BLTP1: variants seen among roughly 807,000 people sequenced by gnomAD.
BLTP1 encodes the protein bridge-like lipid transfer protein family member 1.
At chr4:122,334,395 G>A in the BLTP1 span, 2 of 1,612,042 alleles carry the variant, frequency 1.2e-6, no homozygotes, top group African/African-American at 1.3e-5. Flanking sequence ...TGCCTCCAGG[G>A]GATCTTCCTT....
chr4:122,327,299 T>A, the BLTP1 span, among the ~76,000 whole-genome samples: 1 of 151,728 alleles, frequency 6.6e-6, no homozygotes, highest in Non-Finnish European at 1.5e-5. Flanking sequence ...GGTGCAATAT[T>A]TGCACATAAC....
the BLTP1 span, chr4:122,256,122 C>G: frequency 5.1e-6 from 5 of 984,144 alleles, no homozygotes; most frequent in African/African-American, 8.7e-5. Context: ...CTCCAAGTTG[C>G]TGGCCAATAG....
the BLTP1 span, chr4:122,193,561 CTT>C: frequency 1.9e-6 from 1 of 519,588 alleles, no homozygotes; most frequent in Non-Finnish European, 2.5e-6. Flanking sequence ...TTTTCTACTT[CTT>C]GAAGAATTTT....
At chr4:122,297,013 A>G in the BLTP1 span, among the ~76,000 whole-genome samples, 16 of 152,228 alleles carry the variant, frequency 1.1e-4, no homozygotes, top group Admixed American at 1.3e-4. Flanking sequence ...GGCACCAGCA[A>G]AGATTTCATG....
chr4:122,171,225 GT>G, the BLTP1 span, among the ~76,000 whole-genome samples: 4 of 152,020 alleles, frequency 2.6e-5, no homozygotes, highest in African/African-American at 9.7e-5. Flanking sequence ...TAATCTAGAA[GT>G]TTTCTAGGTA....
the BLTP1 span, chr4:122,210,844 C>T: frequency 6.3e-7 from 1 of 1,595,988 alleles, no homozygotes; most frequent in Non-Finnish European, 8.5e-7. Flanking sequence ...CTTTTGTCCC[C>T]CACCCCTCAA....
At chr4:122,333,315 T>C in the BLTP1 span, among the ~76,000 whole-genome samples, 2 of 98,852 alleles carry the variant, frequency 2.0e-5, no homozygotes, top group Non-Finnish European at 4.0e-5. Flanking sequence ...TTTTTAATGA[T>C]TGCCATTCTA....
At chr4:122,350,227 C>A in the BLTP1 span, 3 of 985,216 alleles carry the variant, frequency 3.0e-6, no homozygotes, top group Non-Finnish European at 1.2e-6. Context: ...AGAATTTCTA[C>A]CTGCCAATGG....
chr4:122,231,886 A>G, the BLTP1 span: 10 of 887,456 alleles, frequency 1.1e-5, no homozygotes, highest in Non-Finnish European at 1.2e-5. Context: ...TTGAAATTAC[A>G]TTAATCTTTT....
the BLTP1 span, chr4:122,336,399 T>A: frequency 1.6e-6 from 2 of 1,281,626 alleles, no homozygotes. Context: ...TATTTTGGGA[T>A]CTTATTATAT....
chr4:122,231,987 A>G, the BLTP1 span: 2 of 863,414 alleles, frequency 2.3e-6, no homozygotes, highest in African/African-American at 1.8e-5. Context: ...TCTTTGTTAT[A>G]TGTTGTGCAG....
At chr4:122,279,076 T>A in the BLTP1 span, among the ~76,000 whole-genome samples, 2 of 152,242 alleles carry the variant, frequency 1.3e-5, no homozygotes, top group African/African-American at 4.8e-5. Flanking sequence ...AGGATCTTGA[T>A]CTCACTTGTT....
At chr4:122,244,523 TATA>T in the BLTP1 span, 18 of 313,204 alleles carry the variant, frequency 5.7e-5, no homozygotes, top group Non-Finnish European at 7.4e-5. Context: ...ATTGCAATAA[TATA>T]ATAATATTAC....
At chr4:122,161,586 A>C in the BLTP1 span, among the ~76,000 whole-genome samples, 1 of 151,878 alleles carries the variant, frequency 6.6e-6, no homozygotes, top group South Asian at 2.1e-4. Flanking sequence ...GCTTGCCACC[A>C]CACCCAGCTA....
the BLTP1 span, chr4:122,263,567 G>C: frequency 1.2e-6 from 2 of 1,611,962 alleles, no homozygotes; most frequent in East Asian, 4.5e-5. Flanking sequence ...AGAATCTCCT[G>C]TTACAAAATC....
At chr4:122,229,199 G>A in the BLTP1 span, 23 of 1,611,398 alleles carry the variant, frequency 1.4e-5, no homozygotes, top group East Asian at 2.2e-4. Context: ...AGATGGAGCC[G>A]ATATTTACAT....
chr4:122,310,797 A>C, the BLTP1 span: 3 of 217,604 alleles, frequency 1.4e-5, 1 homozygote, highest in South Asian at 5.0e-4. Context: ...TGTGTACTAA[A>C]CCCCATCAAA....
the BLTP1 span, chr4:122,349,035 T>C: frequency 5.2e-6 from 4 of 762,380 alleles, no homozygotes; most frequent in South Asian, 2.8e-5. This position sits in a 1 kb window ranked among gnomAD's most constrained non-coding sequence, Gnocchi z 4.5. Context: ...ATATAAAGTA[T>C]GTTGTTTCAT....
chr4:122,349,853 C>G, the BLTP1 span: 17 of 1,613,194 alleles, frequency 1.1e-5, 1 homozygote, highest in Admixed American at 2.7e-4. This position sits in a 1 kb window ranked among gnomAD's most constrained non-coding sequence, Gnocchi z 4.5. Flanking sequence ...GTTTTATGCT[C>G]TAGTGAGATT....
Sources: gnomAD v4.1 joint callset for allele counts (sites outside exome capture counted in the v4.1 genomes callset) on GRCh38, gnomAD v4.1.1 for gene constraint, Gnocchi (gnomAD v3.1) non-coding constraint, MANE v1.5 for transcripts, NCBI Gene and HGNC (gene_info 2026-07-23, HGNC 2026-07-21) for gene names.